INTS4: variants seen among roughly 807,000 people sequenced by gnomAD.
INTS4 encodes MSTP093.
Under a neutral mutation model 119.5 loss-of-function variants are expected in INTS4, and 70 were observed. That is an observed-to-expected ratio of 0.59 (90% CI 0.48 to 0.71). The LOEUF is 0.71. INTS4 is among the 30% of genes least tolerant of loss of function. The probability of loss-of-function intolerance (pLI) is 0.00; values close to 1 mark genes in which losing one functional copy is unlikely to be tolerated. For missense variants in INTS4, 867 were observed against 1,173.2 expected (o/e 0.74, Z 3.81); for synonymous variants, 316 against 419.6 (o/e 0.75, Z 3.02).
At chr11:77,918,680 T>C (rs184612150) in intron 15 of INTS4, 141 bp downstream of exon 15, 1 of 1,138,922 alleles carries the variant, frequency 8.8e-7, no homozygotes, top group African/African-American at 1.6e-5. Flanking sequence ...CTAATCCAAA[T>C]ATAAACAGAC....
chr11:77,875,677 T>C (rs943427164), downstream of INTS4, among the ~76,000 whole-genome samples: 4 of 152,178 alleles, frequency 2.6e-5, no homozygotes, highest in Admixed American at 1.3e-4. Context: ...ATAAATACTA[T>C]ACTATGTGTG....
intron 5 of INTS4, 39 bp downstream of exon 5, chr11:77,960,914 T>A (rs781733014): frequency 7.1e-6 from 11 of 1,558,384 alleles, no homozygotes; most frequent in African/African-American, 6.9e-5. Context: ...AAAACAAAAA[T>A]GAACACTAGC....
chr11:77,931,536 G>A (rs1953649412), intron 10 of INTS4, among the ~76,000 whole-genome samples: 1 of 152,150 alleles, frequency 6.6e-6, no homozygotes, highest in Non-Finnish European at 1.5e-5. Flanking sequence ...TCTATATGAT[G>A]TGATTATTTC....
chr11:77,967,180 C>T (rs531327751), intron 4 of INTS4, among the ~76,000 whole-genome samples: 1 of 152,170 alleles, frequency 6.6e-6, no homozygotes, highest in African/African-American at 2.4e-5. Flanking sequence ...ACTCATGACC[C>T]AACAGTCATA....
At chr11:77,915,375 C>G (rs1334060344) in intron 15 of INTS4, 2 of 152,148 alleles carry the variant, frequency 1.3e-5, no homozygotes, top group East Asian at 1.9e-4. Context: ...TGCTATGGGC[C>G]TCTGTGTGGC....
At chr11:77,944,632 G>A (rs886298635) in intron 8 of INTS4, among the ~76,000 whole-genome samples, 6 of 152,162 alleles carry the variant, frequency 3.9e-5, no homozygotes, top group African/African-American at 1.2e-4. Flanking sequence ...TTGTCGATTT[G>A]CTGAACAGGT....
In INTS4 at chr11:77,903,657, G is replaced by A. The variant is rs989788664; in HGVS notation, c.2017-37C>T. 7 of 1,542,906 alleles carry A rather than the reference G, an allele frequency of 4.5e-6. No individual in the cohort carries two copies. The African/African-American group carries it at 8.2e-5, about 18-fold the overall frequency. On this transcript the variant is annotated intron_variant, in intron 16 of 22. Transcript: ENST00000534064. Reference sequence around the variant, plus strand: ...AATCAGGAGGGAACAGAATACCGAGGTCACAAAGACTGGCCTATCATTTGG... The same window carrying A: ...AATCAGGAGGGAACAGAATACCGAGATCACAAAGACTGGCCTATCATTTGG...
intron 8 of INTS4, among the ~76,000 whole-genome samples, chr11:77,951,649 CA>C (rs1954198693): frequency 6.6e-6 from 1 of 152,104 alleles, no homozygotes; most frequent in African/African-American, 2.4e-5. Context: ...TAACAAAAGC[CA>C]AAATTGACAA....
chr11:77,935,932 C>T (rs1463706622), intron 10 of INTS4, among the ~76,000 whole-genome samples: 2 of 50,828 alleles, frequency 3.9e-5, no homozygotes. Flanking sequence ...TTTTGCGCTT[C>T]AAGTAGTGCA....
chr11:77,898,003 G>A (rs1286421756), intron 18 of INTS4, among the ~76,000 whole-genome samples: 1 of 151,986 alleles, frequency 6.6e-6, no homozygotes. Context: ...TTTAGAGACA[G>A]GGTCTCATTA....
intron 18 of INTS4, chr11:77,900,832 T>G (rs1019760539): frequency 3.5e-6 from 2 of 568,742 alleles, no homozygotes; most frequent in African/African-American, 3.8e-5. Context: ...ACTGAGCTCT[T>G]ATTACGTATC....
intron 2 of INTS4, chr11:77,987,793 G>C (rs1226335076): frequency 5.6e-6 from 2 of 357,876 alleles, no homozygotes; most frequent in African/African-American, 2.2e-5. Flanking sequence ...AGGATGGCTT[G>C]AGCCTGGGAG....
intron 2 of INTS4, among the ~76,000 whole-genome samples, chr11:77,983,351 G>T (rs11237344): frequency 1.3e-5 from 2 of 152,138 alleles, no homozygotes; most frequent in African/African-American, 4.8e-5. Context: ...CTGGGCTCCT[G>T]CCTAGGCCTC....
At chr11:77,922,772 G>A (rs906380301) in intron 12 of INTS4, 14 of 373,240 alleles carry the variant, frequency 3.8e-5, no homozygotes, top group African/African-American at 8.4e-5. Flanking sequence ...CAAAGTGCTC[G>A]GAAAAGGCAG....
intron 3 of INTS4, among the ~76,000 whole-genome samples, 161 bp from the exon 4 acceptor site, chr11:77,979,263 G>T (rs1856092403): frequency 6.6e-6 from 1 of 152,088 alleles, no homozygotes; most frequent in South Asian, 2.1e-4. Flanking sequence ...TTGAGCCCAG[G>T]AGTTCAAGAC....
At chr11:77,972,229 G>T (rs1018141524) in intron 4 of INTS4, among the ~76,000 whole-genome samples, 7 of 152,008 alleles carry the variant, frequency 4.6e-5, no homozygotes, top group Non-Finnish European at 8.8e-5. Context: ...CTCCCAACTA[G>T]CTGAGACTAC....
Position 77,929,950 on chromosome 11 carries a change from G to C in INTS4, c.1166-1403C>G, listed in dbSNP as rs372092013. 5.6e-4 allele frequency among the ~76,000 whole-genome samples: 85 copies of C among 152,306 alleles called. 2 individuals carry two copies. The highest frequency in any genetic ancestry group is 2.0e-3 in the African/African-American group (84 of 41,566). On this transcript the variant is annotated intron_variant, in intron 10 of 22. Coordinates refer to ENST00000534064, the MANE Select transcript of INTS4 (RefSeq NM_033547.4). ...GGTTCTGTAAAGTACCCTGAAAACA[G>C]AGGCATGTTTTCCACCCCTTGGCAT...
intron 21 of INTS4, among the ~76,000 whole-genome samples, chr11:77,884,489 C>A (rs541195251): frequency 1.3e-5 from 2 of 152,356 alleles, no homozygotes; most frequent in South Asian, 4.1e-4. Context: ...CCTCAGCATC[C>A]TGGGGGACCT....
chr11:77,985,870 T>G (rs1375937421), intron 2 of INTS4, among the ~76,000 whole-genome samples: 1 of 152,034 alleles, frequency 6.6e-6, no homozygotes, highest in Non-Finnish European at 1.5e-5. Context: ...GTAGCATAAG[T>G]GAAGAATCAA....
Sources: allele counts gnomAD v4.1 joint callset (sites outside exome capture counted in the v4.1 genomes callset), GRCh38; gene constraint gnomAD v4.1.1; transcripts MANE v1.5; gene names NCBI Gene and HGNC (gene_info 2026-07-23, HGNC 2026-07-21).